Variants in GALNTL6 observed in about 807,000 individuals in gnomAD.
GALNTL6 encodes polypeptide N-acetylgalactosaminyltransferase-like 6.
A neutral mutation model predicts 73.7 loss-of-function variants in GALNTL6; 46 were observed. The ratio of observed to expected loss-of-function variants is 0.62; its 90% CI spans 0.49 to 0.80. The LOEUF (loss-of-function observed/expected upper bound fraction) is 0.80, where lower values mean the gene tolerates loss of function less well. Ranked by LOEUF, GALNTL6 falls within the 30% of genes least tolerant of loss-of-function variation. GALNTL6 has a pLI of 0.00. For synonymous variants in GALNTL6, 259 were observed against 263.7 expected, an observed-to-expected ratio of 0.98 and a Z score of 0.17; for missense variants, 604 against 755.0, an observed-to-expected ratio of 0.80 and a Z score of 2.34.
At chr4:172,238,349 C>A (rs1336031734) in intron 3 of GALNTL6, among the ~76,000 whole-genome samples, 1 of 151,928 alleles carries the variant, frequency 6.6e-6, no homozygotes, top group Admixed American at 6.6e-5. Context: ...GGTATTTTAT[C>A]TTTTCTGTGG....
intron 5 of GALNTL6, among the ~76,000 whole-genome samples, chr4:172,368,928 G>T (rs1426758874): frequency 6.6e-6 from 1 of 152,214 alleles, no homozygotes; most frequent in Non-Finnish European, 1.5e-5. Flanking sequence ...GACCTTTGCA[G>T]TGAGTATTAC....
chr4:172,269,893 G>T (rs2111054535), intron 3 of GALNTL6, among the ~76,000 whole-genome samples: 1 of 151,856 alleles, frequency 6.6e-6, no homozygotes, highest in African/African-American at 2.4e-5. Flanking sequence ...CTGAGATTAT[G>T]GGTGCCTGCC....
chr4:171,880,886 A>C (rs1262727845), intron 2 of GALNTL6, among the ~76,000 whole-genome samples: 3 of 152,222 alleles, frequency 2.0e-5, no homozygotes, highest in Non-Finnish European at 4.4e-5. Flanking sequence ...ATATATTTTT[A>C]AGTCCATATG....
chr4:172,485,905 G>A (rs1008992814), intron 5 of GALNTL6, among the ~76,000 whole-genome samples: 2 of 152,156 alleles, frequency 1.3e-5, no homozygotes, highest in African/African-American at 4.8e-5. Flanking sequence ...GCTGTAGTAT[G>A]TCTGTTTTGC....
intron 2 of GALNTL6, among the ~76,000 whole-genome samples, chr4:171,985,676 T>C (rs976087958): frequency 6.6e-6 from 1 of 151,988 alleles, no homozygotes; most frequent in African/African-American, 2.4e-5. Flanking sequence ...TTGAGAGATA[T>C]AAAAAGCCTT....
chr4:172,581,661 A>AT (rs1400075997), intron 5 of GALNTL6, among the ~76,000 whole-genome samples: 2 of 151,972 alleles, frequency 1.3e-5, no homozygotes, highest in Non-Finnish European at 2.9e-5. Flanking sequence ...CCCTCCAGTG[A>AT]TTTTCCATCC....
intron 10 of GALNTL6, among the ~76,000 whole-genome samples, chr4:172,967,774 T>G (rs956919257): frequency 5.9e-5 from 9 of 152,188 alleles, no homozygotes; most frequent in African/African-American, 2.2e-4. Flanking sequence ...TAGGTACGTA[T>G]GCATAAGAGA....
intron 2 of GALNTL6, among the ~76,000 whole-genome samples, chr4:171,889,256 A>G (rs1040035330): frequency 5.3e-5 from 8 of 152,104 alleles, no homozygotes; most frequent in African/African-American, 1.9e-4. Context: ...GAAGTCAGGA[A>G]AATATTTAAC....
At chr4:172,044,888 T>G (rs1230537202) in intron 2 of GALNTL6, among the ~76,000 whole-genome samples, 2 of 152,034 alleles carry the variant, frequency 1.3e-5, no homozygotes, top group African/African-American at 4.8e-5. Flanking sequence ...AGTATCAAGA[T>G]CTACAAAATT....
At chr4:172,667,436 G>A (rs1262931125) in intron 5 of GALNTL6, 1 of 152,206 alleles carries the variant, frequency 6.6e-6, no homozygotes, top group Middle Eastern at 3.2e-3. Flanking sequence ...TCTGCTCTGG[G>A]TTTCACAAAG....
At chr4:172,620,562 G>A (rs1370866289) in intron 5 of GALNTL6, among the ~76,000 whole-genome samples, 2 of 152,046 alleles carry the variant, frequency 1.3e-5, no homozygotes, top group Non-Finnish European at 2.9e-5. Context: ...TGCAAGCACC[G>A]AAGACAGAAT....
chr4:172,238,635 T>C lies in GALNTL6; in HGVS notation c.247+8871T>C, dbSNP rs2110987058. ...GCTCTGACTAGGACTTTCAGTACTATATTGAATAGGGAGTGATGAGAGAGG... is the reference window on the plus strand; with the variant it reads ...GCTCTGACTAGGACTTTCAGTACTACATTGAATAGGGAGTGATGAGAGAGG... On this transcript the variant is annotated intron_variant, in intron 3 of 12. Coordinates refer to ENST00000506823, the MANE Select transcript of GALNTL6 (RefSeq NM_001034845.3). Among the ~76,000 whole-genome samples the C allele has an allele frequency of 1.3e-5, 2 of 152,250 alleles. 1 individual carries two copies. Among genetic ancestry groups the C allele is most frequent in the South Asian group, 4.1e-4 (2 of 4,822 alleles).
chr4:172,171,472 A>C (rs984546003), intron 2 of GALNTL6, among the ~76,000 whole-genome samples: 1 of 152,200 alleles, frequency 6.6e-6, no homozygotes, highest in Non-Finnish European at 1.5e-5. Flanking sequence ...CTTGAAGAAC[A>C]TAACAGTTCT....
At chr4:172,733,848 G>A (rs1736297588) in intron 5 of GALNTL6, among the ~76,000 whole-genome samples, 1 of 152,170 alleles carries the variant, frequency 6.6e-6, no homozygotes, top group Non-Finnish European at 1.5e-5. Context: ...CAGTAAATTG[G>A]TACCAGGAGT....
chr4:171,908,707 C>A (rs1371363757), intron 2 of GALNTL6, among the ~76,000 whole-genome samples: 1 of 150,554 alleles, frequency 6.6e-6, no homozygotes, highest in Non-Finnish European at 1.5e-5. Flanking sequence ...ATGTTTATTG[C>A]GGCACTATTC....
intron 2 of GALNTL6, among the ~76,000 whole-genome samples, chr4:172,092,786 A>G (rs1293270381): frequency 1.3e-5 from 2 of 151,904 alleles, no homozygotes; most frequent in East Asian, 1.9e-4. Flanking sequence ...TTTTACTTTT[A>G]TAATATTAAA....
intron 2 of GALNTL6, among the ~76,000 whole-genome samples, chr4:171,903,574 C>T (rs1386374024): frequency 7.0e-6 from 1 of 142,334 alleles, no homozygotes; most frequent in Admixed American, 6.7e-5. Flanking sequence ...GGGAGGGGCG[C>T]CCGCCATTGT....
intron 5 of GALNTL6, among the ~76,000 whole-genome samples, chr4:172,492,234 T>C (rs1244050557): frequency 7.9e-5 from 12 of 152,196 alleles, no homozygotes; most frequent in Admixed American, 7.9e-4. Flanking sequence ...TTTACTTTTA[T>C]AGATATTATA....
chr4:172,807,233 C>T (rs146401412), intron 5 of GALNTL6, among the ~76,000 whole-genome samples: 1 of 152,328 alleles, frequency 6.6e-6, no homozygotes, highest in East Asian at 1.9e-4. Flanking sequence ...CACAGTAGAA[C>T]TTGCCTCCTG....
Sources: gnomAD v4.1 joint callset for allele counts (sites outside exome capture counted in the v4.1 genomes callset) on GRCh38, gnomAD v4.1.1 for gene constraint, MANE v1.5 for transcripts, NCBI Gene and HGNC (gene_info 2026-07-23, HGNC 2026-07-21) for gene names.